ADAM28: variants seen among roughly 807,000 people sequenced by gnomAD.
ADAM28 encodes the protein ADAM metallopeptidase domain 28.
Under a neutral mutation model 101.2 loss-of-function variants are expected in ADAM28, and 105 were observed. The observed-to-expected ratio is 1.04, with a 90% CI of 0.89 to 1.22. The LOEUF is 1.22. Among genes scored for constraint, ADAM28 ranks in the 50% most tolerant of loss-of-function variants. The pLI, the probability that ADAM28 is intolerant of heterozygous loss-of-function variation, is 0.00. For synonymous variants in ADAM28, 322 were observed against 310.6 expected (o/e 1.04, Z -0.39); for missense variants, 1,028 against 945.4 (o/e 1.09, Z -1.15).
intron 1 of ADAM28, among the ~76,000 whole-genome samples, chr8:24,297,212 C>T (rs759146706): frequency 1.1e-4 from 16 of 150,982 alleles, no homozygotes; most frequent in South Asian, 2.1e-4. Flanking sequence ...TTTTGGTTTC[C>T]ATTTGGAAGT....
chr8:24,330,230 G>A (rs1238194525), intron 11 of ADAM28, 115 bp downstream of exon 11: 13 of 1,272,858 alleles, frequency 1.0e-5, no homozygotes, highest in Non-Finnish European at 1.4e-5. Flanking sequence ...GTCACTAAAT[G>A]TGCATTTGTG....
chr8:24,331,018 C>G, intron 11 of ADAM28, 132 bp from the exon 12 acceptor site: 4 of 810,650 alleles, frequency 4.9e-6, no homozygotes, highest in Non-Finnish European at 7.5e-6. Context: ...AGCTCACGAT[C>G]TGGCAGTTGG....
At chr8:24,304,983 T>A (rs1809368809) in intron 2 of ADAM28, among the ~76,000 whole-genome samples, 1 of 152,108 alleles carries the variant, frequency 6.6e-6, no homozygotes, top group African/African-American at 2.4e-5. Context: ...CCAGTTCTTA[T>A]GACTAATTTT....
intron 11 of ADAM28, among the ~76,000 whole-genome samples, chr8:24,330,493 A>G (rs898015907): frequency 1.3e-5 from 2 of 152,194 alleles, no homozygotes; most frequent in Admixed American, 1.3e-4. Flanking sequence ...GTCTATGAAA[A>G]GACATCACAC....
At chr8:24,295,510 C>G (rs907450897) in intron 1 of ADAM28, among the ~76,000 whole-genome samples, 1 of 152,130 alleles carries the variant, frequency 6.6e-6, no homozygotes, top group Non-Finnish European at 1.5e-5. Context: ...TCACCAAGAG[C>G]TTTTCCAGAA....
chr8:24,316,423 A>G (rs1441574988), intron 6 of ADAM28, among the ~76,000 whole-genome samples: 1 of 152,072 alleles, frequency 6.6e-6, no homozygotes, highest in Non-Finnish European at 1.5e-5. Context: ...GCAACCACAC[A>G]AATGTTGATA....
chr8:24,294,265 T>G, intron 1 of ADAM28, 70 bp downstream of exon 1: 1 of 1,522,512 alleles, frequency 6.6e-7, no homozygotes, highest in Non-Finnish European at 9.1e-7. Context: ...CCTAATAGTT[T>G]TATTGTATAA....
intron 18 of ADAM28, among the ~76,000 whole-genome samples, chr8:24,344,242 G>A (rs529364848): frequency 1.3e-5 from 2 of 150,020 alleles, no homozygotes; most frequent in South Asian, 2.1e-4. Flanking sequence ...CAGTTGTTAC[G>A]AGGAACATTT....
chr8:24,323,736 G>A, intron 8 of ADAM28, 98 bp from the exon 9 acceptor site: 1 of 1,213,800 alleles, frequency 8.2e-7, no homozygotes, highest in Non-Finnish European at 1.1e-6. Flanking sequence ...TTTTTATACT[G>A]CTGTGATGAA....
At chr8:24,309,993 T>C (rs2129263511) in intron 3 of ADAM28, 23 bp downstream of exon 3, 1 of 1,542,314 alleles carries the variant, frequency 6.5e-7, no homozygotes, top group Non-Finnish European at 8.9e-7. Context: ...ACCTGTGATA[T>C]TATCCTCAGC....
At chr8:24,327,382 G>C (rs942029283) in intron 10 of ADAM28, among the ~76,000 whole-genome samples, 2 of 151,938 alleles carry the variant, frequency 1.3e-5, no homozygotes, top group South Asian at 4.1e-4. Flanking sequence ...GCTCAAGGAA[G>C]TAAGAAAGGA....
chr8:24,320,445 A>G lies in ADAM28; in HGVS notation c.648+138A>G, dbSNP rs1811721054. On this transcript the variant is annotated intron_variant, in intron 7 of 22. Coordinates refer to ENST00000265769, the MANE Select transcript of ADAM28 (RefSeq NM_014265.6). ...TATGGTTACATGTTCTTCTAAAACT[A>G]TGAAATTTGACATTTATAATTAAGC... 4 of 629,610 alleles carry G rather than the reference A, an allele frequency of 6.4e-6. No homozygotes were observed. In the South Asian group the frequency reaches 7.5e-5, roughly 12 times the overall value. The allele number at this position is 629,610 out of a possible 1,614,324, so 39.0% of individuals were successfully genotyped here.
intron 6 of ADAM28, among the ~76,000 whole-genome samples, chr8:24,319,493 T>C (rs1811590247): frequency 6.6e-6 from 1 of 151,924 alleles, no homozygotes. Context: ...AGGAAGTAAG[T>C]ACATGTCTCA....
chr8:24,300,127 A>G (rs755885069), intron 2 of ADAM28, 50 bp downstream of exon 2: 38 of 1,350,408 alleles, frequency 2.8e-5, no homozygotes, highest in Admixed American at 5.5e-5. Flanking sequence ...ACATATATAC[A>G]CACATATATA....
chr8:24,312,828 C>T (rs932463849), intron 5 of ADAM28, among the ~76,000 whole-genome samples: 1 of 152,018 alleles, frequency 6.6e-6, no homozygotes, highest in Non-Finnish European at 1.5e-5. Context: ...AAGGCTTTAG[C>T]AGAGAAAATT....
intron 5 of ADAM28, 95 bp downstream of exon 5, chr8:24,311,532 A>T: frequency 1.1e-6 from 1 of 881,246 alleles, no homozygotes; most frequent in Non-Finnish European, 1.7e-6. Context: ...ATTAATTTTT[A>T]TATAGTTGAA....
chr8:24,296,986 A>G (rs1298544724), intron 1 of ADAM28, among the ~76,000 whole-genome samples: 1 of 152,180 alleles, frequency 6.6e-6, no homozygotes, highest in East Asian at 1.9e-4. Flanking sequence ...TCCAGATCCC[A>G]TTATTTCAGG....
In ADAM28 at chr8:24,332,766, C is replaced by T. The variant is rs1446403249; in HGVS notation, c.1371+17C>T. The T allele has an allele frequency of 7.5e-7, 1 of 1,327,820 alleles. No homozygotes were observed. Among genetic ancestry groups the T allele is most frequent in the East Asian group, 2.6e-5 (1 of 38,024 alleles). The allele number at this position is 1,327,820 out of a possible 1,614,324, so 82.3% of individuals were successfully genotyped here. On this transcript the variant is annotated intron_variant, in intron 13 of 22. Coordinates refer to ENST00000265769, the MANE Select transcript of ADAM28 (RefSeq NM_014265.6). Reference sequence around the variant, plus strand: ...AAATGCCAAGTAAGATTATTTTATTCTATTTTAATAATTATGATTACATTT... The same window carrying T: ...AAATGCCAAGTAAGATTATTTTATTTTATTTTAATAATTATGATTACATTT...
At chr8:24,333,342 A>C (rs1008187018) in intron 13 of ADAM28, among the ~76,000 whole-genome samples, 5 of 152,166 alleles carry the variant, frequency 3.3e-5, no homozygotes, top group Non-Finnish European at 7.4e-5. Context: ...ACACACACCC[A>C]CACCAACACC....
Sources: allele counts gnomAD v4.1 joint callset (sites outside exome capture counted in the v4.1 genomes callset), GRCh38; gene constraint gnomAD v4.1.1; transcripts MANE v1.5; gene names NCBI Gene and HGNC (gene_info 2026-07-23, HGNC 2026-07-21).